The following DAB1 variants were observed in gnomAD, a reference collection of about 807,000 sequenced individuals.
DAB1 encodes the protein disabled homolog 1.
A neutral mutation model predicts 64.6 loss-of-function variants in DAB1; 15 were observed. That is an observed-to-expected ratio of 0.23 (90% CI 0.16 to 0.36). The LOEUF is 0.36. Among genes scored for constraint, DAB1 ranks in the 10% least tolerant of loss-of-function variants. DAB1 has a pLI of 1.00. For synonymous variants in DAB1, 235 were observed against 251.9 expected (o/e 0.93, Z 0.64); for missense variants, 596 against 706.7 (o/e 0.84, Z 1.78).
chr1:57,754,843 T>C (rs1259500212), intron 6 of DAB1, among the ~76,000 whole-genome samples: 1 of 152,182 alleles, frequency 6.6e-6, no homozygotes, highest in Admixed American at 6.5e-5. Flanking sequence ...TTCTTTCCCC[T>C]GCCCTGAGCT....
chr1:58,238,815 C>T (rs1372691978), intron 4 of DAB1, among the ~76,000 whole-genome samples: 1 of 152,114 alleles, frequency 6.6e-6, no homozygotes, highest in African/African-American at 2.4e-5. Flanking sequence ...ATCACTGTAG[C>T]CCCATTTTTG....
At chr1:58,266,884 G>C (rs1661179820) in intron 4 of DAB1, among the ~76,000 whole-genome samples, 1 of 152,204 alleles carries the variant, frequency 6.6e-6, no homozygotes, top group Admixed American at 6.5e-5. Context: ...ATCCATCTTG[G>C]TGGTTCTCTT....
At chr1:58,317,980 C>T (rs1662596045) in intron 4 of DAB1, among the ~76,000 whole-genome samples, 1 of 152,140 alleles carries the variant, frequency 6.6e-6, no homozygotes, top group African/African-American at 2.4e-5. Flanking sequence ...CAGCACAATG[C>T]CTGGCAGAGA....
Position 57,855,968 on chromosome 1 carries a change from A to G in DAB1, n.87+28031T>C, listed in dbSNP as rs1653733155. ...AGAGTAGATGGGATGTGAAGAGGGA[A>G]GAATCAGAATATATTCTAATGATAG... On this transcript the variant is annotated intron_variant and non_coding_transcript_variant, in intron 1 of 1. Coordinates refer to the DAB1 transcript ENST00000477280. 1.3e-5 allele frequency among the ~76,000 whole-genome samples: 2 copies of G among 152,208 alleles called. 1 individual carries two copies. Among genetic ancestry groups the G allele is most frequent in the South Asian group, 4.1e-4 (2 of 4,828 alleles).
intron 5 of DAB1, among the ~76,000 whole-genome samples, chr1:57,923,056 G>GGA: frequency 6.7e-6 from 1 of 148,324 alleles, no homozygotes; most frequent in South Asian, 2.3e-4. Context: ...TTTAGAAAAT[G>GGA]GAGAGAGAGA....
chr1:57,856,712 C>T lies in DAB1; in HGVS notation n.87+27287G>A, dbSNP rs528535813. On this transcript the variant is annotated intron_variant and non_coding_transcript_variant, in intron 1 of 1. Transcript: ENST00000477280. Reference sequence around the variant, plus strand: ...CTGGGAGGTAGAGGCTGCCATGAGCCGAGATCATGCCACTGCACTCTAGCC... The same window carrying T: ...CTGGGAGGTAGAGGCTGCCATGAGCTGAGATCATGCCACTGCACTCTAGCC... Among the ~76,000 whole-genome samples, 36 of 152,022 alleles carry T rather than the reference C, an allele frequency of 2.4e-4. No homozygotes were observed. The East Asian group carries it at 5.4e-3, about 23-fold the overall frequency.
chr1:57,142,989 G>A (rs1285341043), intron 3 of DAB1, among the ~76,000 whole-genome samples: 3 of 152,116 alleles, frequency 2.0e-5, no homozygotes, highest in Admixed American at 1.3e-4. Context: ...CAAGATCTTG[G>A]CCCTTATCCC....
At chr1:57,100,383 T>G (rs1654559461) in intron 4 of DAB1, among the ~76,000 whole-genome samples, 1 of 152,202 alleles carries the variant, frequency 6.6e-6, no homozygotes, top group Non-Finnish European at 1.5e-5. Context: ...CTATACTGTT[T>G]GTTCACTTAT....
At chr1:57,915,034 T>C (rs1049242262) in intron 5 of DAB1, among the ~76,000 whole-genome samples, 1 of 146,772 alleles carries the variant, frequency 6.8e-6, no homozygotes, top group African/African-American at 2.5e-5. Context: ...ATCAACCAAA[T>C]AAGCCGAAGC....
intron 5 of DAB1, among the ~76,000 whole-genome samples, chr1:58,044,890 A>G (rs1378582104): frequency 1.3e-5 from 2 of 152,208 alleles, no homozygotes; most frequent in Non-Finnish European, 2.9e-5. Context: ...GGCTGGTATT[A>G]TTAATATTCC....
chr1:57,883,825 G>C (rs535191257), intron 1 of DAB1, among the ~76,000 whole-genome samples: 18 of 152,312 alleles, frequency 1.2e-4, no homozygotes, highest in African/African-American at 4.3e-4. Context: ...GAATAAGTCA[G>C]TGATTAAACA....
chr1:57,607,264 C>T (rs1213754415), intron 7 of DAB1, among the ~76,000 whole-genome samples: 2 of 152,062 alleles, frequency 1.3e-5, no homozygotes, highest in African/African-American at 2.4e-5. Context: ...GGTCATAGTC[C>T]AAAAGGTTTA....
At chr1:58,225,825 G>T (rs1659444942) in intron 4 of DAB1, among the ~76,000 whole-genome samples, 1 of 108,118 alleles carries the variant, frequency 9.2e-6, no homozygotes, top group South Asian at 4.1e-4. Context: ...TGGGGGGAGG[G>T]GGGAGGGATA....
At chr1:58,173,226 G>C (rs1431029100) in intron 4 of DAB1, among the ~76,000 whole-genome samples, 1 of 152,182 alleles carries the variant, frequency 6.6e-6, no homozygotes, top group African/African-American at 2.4e-5. Context: ...TCCCCTTGGG[G>C]TGGTTCATGA....
rs1377952979 is a variant in DAB1, at chr1:57,593,109, A to G, written n.625+56483T>C. The stretch of plus-strand genomic sequence containing the variant: ...ACTCTCCATCCACAGCACTCTTCTT[A>G]TCTTGCAAAACTGAAACTCTGTACC... On this transcript the variant is annotated intron_variant and non_coding_transcript_variant, in intron 7 of 20. Transcript: ENST00000485760. Among the ~76,000 whole-genome samples the G allele has an allele frequency of 2.0e-5, 3 of 152,178 alleles. No individual in the cohort carries two copies. In the East Asian group the frequency reaches 5.8e-4, roughly 29 times the overall value.
At chr1:57,464,503 C>G (rs554496016) in intron 7 of DAB1, among the ~76,000 whole-genome samples, 3 of 152,160 alleles carry the variant, frequency 2.0e-5, no homozygotes, top group Non-Finnish European at 4.4e-5. Context: ...GAATCTTCCT[C>G]TCCTACACCA....
upstream of DAB1, among the ~76,000 whole-genome samples, chr1:57,885,395 T>G (rs780043030): frequency 5.9e-5 from 9 of 152,194 alleles, no homozygotes; most frequent in Non-Finnish European, 1.3e-4. Context: ...GAAGTCCATA[T>G]TCTTAACTGT....
At chr1:57,668,033 A>T (rs115325547) in intron 6 of DAB1, among the ~76,000 whole-genome samples, 20,877 of 151,648 alleles carry the variant, frequency 0.14, 1,911 homozygotes, top group Non-Finnish European at 0.22. Flanking sequence ...AGTAAAATTT[A>T]AAAAAAAATT....
intron 5 of DAB1, among the ~76,000 whole-genome samples, chr1:58,148,174 C>T (rs1308587469): frequency 6.6e-6 from 1 of 152,148 alleles, no homozygotes; most frequent in Non-Finnish European, 1.5e-5. Flanking sequence ...CTACCATCTG[C>T]AACCCCCTCA....
Sources: gnomAD v4.1 joint callset for allele counts (sites outside exome capture counted in the v4.1 genomes callset) on GRCh38, gnomAD v4.1.1 for gene constraint, MANE v1.5 for transcripts, NCBI Gene and HGNC (gene_info 2026-07-23, HGNC 2026-07-21) for gene names.